Variants in SHTN1 observed in about 807,000 individuals in gnomAD.
SHTN1 encodes the protein shootin-1.
In SHTN1, 42 loss-of-function variants were observed where a neutral mutation model predicts 83.1. That is an observed-to-expected ratio of 0.51 (90% CI 0.39 to 0.65). The LOEUF (loss-of-function observed/expected upper bound fraction) is 0.65, where lower values mean the gene tolerates loss of function less well. Ranked by LOEUF, SHTN1 falls within the 30% of genes least tolerant of loss-of-function variation. The probability of loss-of-function intolerance (pLI) is 0.00; values close to 1 mark genes in which losing one functional copy is unlikely to be tolerated. For missense variants in SHTN1, 622 were observed against 737.8 expected (o/e 0.84, Z 1.82); for synonymous variants, 224 against 247.7 (o/e 0.90, Z 0.90).
At chr10:117,005,342 G>T (rs1393648434), upstream of SHTN1, 4 of 1,291,386 alleles carry the variant, frequency 3.1e-6, no homozygotes, top group Admixed American at 1.1e-4. Flanking sequence ...AACGAGGGCG[G>T]GTCGGCAGCC....
intron 16 of SHTN1, among the ~76,000 whole-genome samples, chr10:116,888,270 A>G (rs774556474): frequency 5.3e-5 from 8 of 152,206 alleles, no homozygotes; most frequent in Non-Finnish European, 8.8e-5. Flanking sequence ...TGCTTTGGGA[A>G]TCAGAATGGG....
At chr10:117,032,377 A>G (rs1852430796) in intron 2 of SHTN1, among the ~76,000 whole-genome samples, 1 of 151,938 alleles carries the variant, frequency 6.6e-6, no homozygotes, top group Non-Finnish European at 1.5e-5. Context: ...CTAATTTTTT[A>G]TATTTTTAGT....
chr10:117,043,235 G>A (rs1048566237), intron 2 of SHTN1, among the ~76,000 whole-genome samples: 2 of 151,870 alleles, frequency 1.3e-5, no homozygotes, highest in Admixed American at 6.6e-5. Context: ...CCAGGTTCGC[G>A]CCATTCTCCT....
At chr10:117,106,546 C>A (rs866835793) in intron 1 of SHTN1, among the ~76,000 whole-genome samples, 7 of 152,188 alleles carry the variant, frequency 4.6e-5, no homozygotes, top group African/African-American at 1.7e-4. Flanking sequence ...ATCCCTAGGA[C>A]TCCAACTTGT....
chr10:117,106,095 GAC>G (rs2133634366), intron 1 of SHTN1, among the ~76,000 whole-genome samples: 1 of 152,142 alleles, frequency 6.6e-6, no homozygotes, highest in East Asian at 1.9e-4. Flanking sequence ...GGGCGACAGA[GAC>G]AGACTCCGTC....
intron 6 of SHTN1, among the ~76,000 whole-genome samples, chr10:116,949,295 A>T (rs74475193): frequency 6.6e-6 from 1 of 150,864 alleles, no homozygotes; most frequent in African/African-American, 2.4e-5. Flanking sequence ...TTTTTTAATT[A>T]AAAAAAAACA....
chr10:116,967,898 T>C (rs918833337), intron 3 of SHTN1, among the ~76,000 whole-genome samples: 7 of 152,160 alleles, frequency 4.6e-5, no homozygotes, highest in Non-Finnish European at 7.4e-5. Flanking sequence ...AAAACTGATG[T>C]ACAGGCTGGG....
intron 14 of SHTN1, among the ~76,000 whole-genome samples, chr10:116,908,408 A>G (rs1237562737): frequency 1.3e-5 from 2 of 152,184 alleles, no homozygotes; most frequent in Non-Finnish European, 2.9e-5. Context: ...TAGAAGAGTC[A>G]CACCATAAGG....
intron 2 of SHTN1, among the ~76,000 whole-genome samples, chr10:117,011,661 A>G (rs911391388): frequency 8.5e-5 from 13 of 152,260 alleles, no homozygotes; most frequent in African/African-American, 3.1e-4. Flanking sequence ...TCCATACACC[A>G]GCAATGAACA....
intron 1 of SHTN1, among the ~76,000 whole-genome samples, chr10:117,075,699 TGAAG>T (rs1392005921): frequency 6.6e-6 from 1 of 152,054 alleles, no homozygotes; most frequent in Non-Finnish European, 1.5e-5. Flanking sequence ...AACTAGGACC[TGAAG>T]GAAGAATAGA....
chr10:117,016,825 A>G (rs1297665741), intron 2 of SHTN1, among the ~76,000 whole-genome samples: 1 of 152,244 alleles, frequency 6.6e-6, no homozygotes, highest in Non-Finnish European at 1.5e-5. Context: ...GTATGAACTC[A>G]TGTTGATATT....
At chr10:116,915,281 AGTGG>A (rs1197466577) in intron 13 of SHTN1, 90 bp downstream of exon 13, 17 of 719,766 alleles carry the variant, frequency 2.4e-5, no homozygotes, top group Non-Finnish European at 3.9e-5. Flanking sequence ...AAGATCTGAC[AGTGG>A]GTCCTGATGC....
chr10:116,962,678 G>T (rs942843032), intron 3 of SHTN1, among the ~76,000 whole-genome samples: 5 of 152,102 alleles, frequency 3.3e-5, no homozygotes, highest in Non-Finnish European at 5.9e-5. Flanking sequence ...TTGTAAAAAG[G>T]TGCCCTGTGA....
At chr10:117,086,643 A>G (rs1336928009) in intron 1 of SHTN1, among the ~76,000 whole-genome samples, 1 of 152,204 alleles carries the variant, frequency 6.6e-6, no homozygotes, top group Non-Finnish European at 1.5e-5. Flanking sequence ...GAACCCTCAT[A>G]CAGTGCTAAC....
intron 3 of SHTN1, among the ~76,000 whole-genome samples, chr10:116,964,201 C>T (rs1383436502): frequency 6.6e-6 from 1 of 152,160 alleles, no homozygotes; most frequent in African/African-American, 2.4e-5. Context: ...CTACCATCGC[C>T]ATTTGTTGAG....
chr10:116,919,489 C>G (rs192435597), intron 12 of SHTN1, among the ~76,000 whole-genome samples: 1 of 152,192 alleles, frequency 6.6e-6, no homozygotes, highest in Admixed American at 6.5e-5. Context: ...ATAAGAAAAA[C>G]TGTATAGGTC....
chr10:117,061,477 T>G (rs1589915978), intron 1 of SHTN1, among the ~76,000 whole-genome samples: 1 of 147,884 alleles, frequency 6.8e-6, no homozygotes, highest in Non-Finnish European at 1.5e-5. Context: ...GTTTTCTTTT[T>G]CTTTTTTTTG....
At chr10:117,106,186 G>A (rs908447395) in intron 1 of SHTN1, among the ~76,000 whole-genome samples, 15 of 152,006 alleles carry the variant, frequency 9.9e-5, no homozygotes, top group African/African-American at 2.4e-4. Flanking sequence ...GCCAGGCGCC[G>A]TGGCTCACGC....
chr10:116,948,869 G>C (rs1474562252), intron 7 of SHTN1, 47 bp downstream of exon 7: 3 of 1,342,566 alleles, frequency 2.2e-6, no homozygotes, highest in Non-Finnish European at 2.0e-6. Flanking sequence ...TATGCAAACA[G>C]AACACACCGC....
Sources: gnomAD v4.1 joint callset for allele counts (sites outside exome capture counted in the v4.1 genomes callset) on GRCh38, gnomAD v4.1.1 for gene constraint, MANE v1.5 for transcripts, NCBI Gene and HGNC (gene_info 2026-07-23, HGNC 2026-07-21) for gene names.